Variants in MYH10 observed in about 807,000 individuals in gnomAD.
MYH10 encodes myosin-10.
In MYH10, 55 loss-of-function variants were observed where a neutral mutation model predicts 257.8. The observed-to-expected ratio is 0.21, with a 90% confidence interval of 0.17 to 0.27. The LOEUF is 0.27. Ranked by LOEUF, MYH10 falls within the 10% of genes least tolerant of loss-of-function variation. The pLI is 1.00. For synonymous variants in MYH10, 854 were observed against 921.7 expected, an observed-to-expected ratio of 0.93 and a Z score of 1.33; for missense variants, 1,631 against 2,500.6, an observed-to-expected ratio of 0.65 and a Z score of 7.42.
At chr17:8,546,766 T>A in intron 11 of MYH10, 104 bp from the exon 12 acceptor site, 1 of 769,968 alleles carries the variant, frequency 1.3e-6, no homozygotes, top group Non-Finnish European at 2.0e-6. Context: ...TAAATTGTAT[T>A]AAGAAATAAA....
intron 6 of MYH10, among the ~76,000 whole-genome samples, chr17:8,574,330 C>T (rs1313639614): frequency 1.3e-5 from 2 of 152,156 alleles, no homozygotes; most frequent in Non-Finnish European, 2.9e-5. Flanking sequence ...CTAGAATACG[C>T]AAATACATAG....
At position 8,499,510 on chromosome 17, in the gene MYH10, TTA is replaced by T. The variant is rs1278080706; in HGVS notation, c.3745-36_3745-35del. 3.1e-6 allele frequency: 5 copies of T among 1,606,294 alleles called. No homozygotes were observed. In the Admixed American group the frequency reaches 8.3e-5, roughly 27 times the overall value. ...CGGAAGGGAAAACATAATTCACTAG[TTA>T]TTTTCTAAAACTCCATACAGAGGAC... On this transcript the variant is annotated intron_variant, in intron 29 of 42. Coordinates refer to ENST00000360416, the MANE Select transcript of MYH10 (RefSeq NM_001256012.3).
chr17:8,576,329 A>T (rs1299450180), intron 6 of MYH10, among the ~76,000 whole-genome samples: 2 of 152,188 alleles, frequency 1.3e-5, no homozygotes, highest in Non-Finnish European at 2.9e-5. Flanking sequence ...CATGTGTCTG[A>T]TAAGTATTAA....
At chr17:8,476,020 C>T in intron 42 of MYH10, 72 bp from the exon 43 acceptor site, 3 of 1,510,170 alleles carry the variant, frequency 2.0e-6, no homozygotes, top group South Asian at 2.5e-5. Context: ...TGTTCAACCA[C>T]TCAATGCCAC....
At chr17:8,531,889 G>A (rs2082013147) in intron 16 of MYH10, among the ~76,000 whole-genome samples, 2 of 152,056 alleles carry the variant, frequency 1.3e-5, no homozygotes, top group African/African-American at 4.8e-5. Context: ...CCCTTATCCT[G>A]CGATCTCTCT....
At chr17:8,480,740 T>G in intron 38 of MYH10, 1 of 626,882 alleles carries the variant, frequency 1.6e-6, no homozygotes, top group Non-Finnish European at 2.8e-6. Flanking sequence ...TGCAGGCCTG[T>G]CATCTCTCAC....
chr17:8,491,407 T>C (rs1268785368), intron 34 of MYH10, among the ~76,000 whole-genome samples: 1 of 152,198 alleles, frequency 6.6e-6, no homozygotes, highest in Non-Finnish European at 1.5e-5. Context: ...TGGCCTCTTT[T>C]TGTCCATGGG....
intron 37 of MYH10, among the ~76,000 whole-genome samples, chr17:8,482,320 A>G (rs1913962441): frequency 6.6e-6 from 1 of 152,176 alleles, no homozygotes; most frequent in African/African-American, 2.4e-5. Context: ...GCTGCACGGG[A>G]GCTCCTCTGT....
In MYH10 at chr17:8,484,227, G is replaced by A. The variant is rs770228753; in HGVS notation, c.5086C>T (p.Arg1696Cys). 4 of 1,612,664 alleles carry A rather than the reference G, an allele frequency of 2.5e-6. No individual in the cohort carries two copies. Among genetic ancestry groups the A allele is most frequent in the Non-Finnish European group, 3.4e-6 (4 of 1,179,370 alleles). The change falls in exon 37 of 43, where the codon CGT becomes TGT. Residue 1696 changes from arginine (R) to cysteine (C), a missense_variant. Physicochemically the swap from Arg to Cys is radical, Grantham distance 180 (BLOSUM62 -3). This residue lies in a region of MYH10 where 463 missense variants were observed against 621.8 expected (regional missense o/e 0.74). Transcript: ENST00000360416. ...KDYQRELEEA[R>C]ASRDEIFAQS... ...GCAAAAATCTCATCTCTGGATGCACGAGCTTCTTCTAATTCACGTTGGTAA... is the reference window on the plus strand; with the variant it reads ...GCAAAAATCTCATCTCTGGATGCACAAGCTTCTTCTAATTCACGTTGGTAA...
chr17:8,482,385 A>G (rs1234272791), intron 37 of MYH10, among the ~76,000 whole-genome samples: 3 of 152,184 alleles, frequency 2.0e-5, no homozygotes, highest in Non-Finnish European at 4.4e-5. Flanking sequence ...GTCCTCTGAC[A>G]GGCCTGGGTT....
At chr17:8,582,547 C>G (rs2083747871) in intron 4 of MYH10, among the ~76,000 whole-genome samples, 1 of 152,212 alleles carries the variant, frequency 6.6e-6, no homozygotes, top group Non-Finnish European at 1.5e-5. Context: ...ACAAAGCTAA[C>G]AAGAACAAAG....
At position 8,518,870 on chromosome 17, in the gene MYH10, G is replaced by A. The variant is rs756094296; in HGVS notation, c.2343+11C>T. On this transcript the variant is annotated intron_variant, in intron 20 of 42. Transcript: ENST00000360416. The stretch of plus-strand genomic sequence containing the variant: ...AATCTACAAGCCAGAAAAAGATCAA[G>A]AAAACCTTACCATTCGTTCACAGGC... The A allele has an allele frequency of 5.2e-5, 84 of 1,605,416 alleles. No homozygotes were observed. Among genetic ancestry groups the A allele is most frequent in the Non-Finnish European group, 6.9e-5 (81 of 1,176,810 alleles).
chr17:8,521,469 T>C (rs930682015), intron 17 of MYH10, 184 bp from the exon 18 acceptor site: 8 of 616,844 alleles, frequency 1.3e-5, no homozygotes, highest in African/African-American at 1.8e-5. Flanking sequence ...CACACACTTA[T>C]ATGGCAGGAT....
Position 8,535,647 on chromosome 17 carries a change from C to T in MYH10, c.1779+111G>A. On this transcript the variant is annotated intron_variant, in intron 15 of 42. Transcript: ENST00000360416. The surrounding 1 kb of genome is among the most constrained non-coding windows in gnomAD (Gnocchi z 4.3). ...AAAGACAATATGTTTGTAATATATA[C>T]TGTATTTGTTTATAAATGTTTATCA... is the stretch of plus-strand genomic sequence containing the variant. The T allele has an allele frequency of 1.6e-6, 2 of 1,259,810 alleles. No individual in the cohort carries two copies. Among genetic ancestry groups the T allele is most frequent in the Non-Finnish European group, 2.2e-6 (2 of 896,802 alleles). 78.0% of individuals were successfully genotyped at this position (1,259,810 alleles called of 1,614,324 possible).
At chr17:8,551,947 T>C (rs1597808647) in intron 9 of MYH10, 99 bp downstream of exon 9, 1 of 536,930 alleles carries the variant, frequency 1.9e-6, no homozygotes, top group Non-Finnish European at 3.1e-6. Context: ...TTTGGTGTTT[T>C]GTGTGTAAAA....
chr17:8,534,951 T>A (rs974788948), intron 16 of MYH10, among the ~76,000 whole-genome samples: 2 of 152,098 alleles, frequency 1.3e-5, no homozygotes, highest in Non-Finnish European at 2.9e-5. Context: ...TGCAGGCAAT[T>A]TGAGTTTATC....
intron 3 of MYH10, among the ~76,000 whole-genome samples, chr17:8,591,984 A>G (rs975490586): frequency 1.3e-5 from 2 of 152,174 alleles, no homozygotes; most frequent in East Asian, 3.8e-4. Context: ...CTGCAGGACT[A>G]CGACAGTTTC....
chr17:8,517,140 CA>C (rs1208908644), intron 21 of MYH10, among the ~76,000 whole-genome samples: 1 of 151,390 alleles, frequency 6.6e-6, no homozygotes, highest in Non-Finnish European at 1.5e-5. Context: ...GACTCTGTCT[CA>C]AAAAAAATAA....
In MYH10 at chr17:8,570,701, G is replaced by A. The variant is rs575703679; in HGVS notation, c.664-889C>T. Among the ~76,000 whole-genome samples the A allele has an allele frequency of 5.6e-4, 85 of 152,140 alleles. 1 individual carries two copies. Among genetic ancestry groups the A allele is most frequent in the African/African-American group, 1.7e-3 (72 of 41,466 alleles). On this transcript the variant is annotated intron_variant, in intron 6 of 42. Transcript: ENST00000360416. ...CCTAAAGAAAAACTAAATAAAAGCT[G>A]CTAGGAAATGCGATACTCTAAGCAA... is the stretch of plus-strand genomic sequence containing the variant.
Sources: allele counts gnomAD v4.1 joint callset (sites outside exome capture counted in the v4.1 genomes callset), GRCh38; gene constraint gnomAD v4.1.1; regional missense constraint gnomAD v4.1.1; non-coding constraint Gnocchi (gnomAD v3.1); transcripts MANE v1.5; gene names NCBI Gene and HGNC (gene_info 2026-07-23, HGNC 2026-07-21).